Variants in SEMA4F observed in about 807,000 individuals in gnomAD.
SEMA4F encodes the protein ssemaphorin 4F.
SEMA4F carries 51 observed loss-of-function variants against 78.4 expected under a neutral mutation model. The ratio of observed to expected loss-of-function variants is 0.65; its 90% CI spans 0.52 to 0.82. The LOEUF (loss-of-function observed/expected upper bound fraction) is 0.82, where lower values mean the gene tolerates loss of function less well. SEMA4F is among the 40% of genes least tolerant of loss of function. The pLI is 0.00. For synonymous variants in SEMA4F, 418 were observed against 408.7 expected, an observed-to-expected ratio of 1.02 and a Z score of -0.27; for missense variants, 938 against 1,014.4, an observed-to-expected ratio of 0.92 and a Z score of 1.02.
the SEMA4F span, among the ~76,000 whole-genome samples, chr2:74,690,184 T>C: frequency 1.3e-5 from 2 of 152,186 alleles, no homozygotes; most frequent in African/African-American, 4.8e-5. Flanking sequence ...CCCAACTTGC[T>C]TGACTACAGG....
the SEMA4F span, among the ~76,000 whole-genome samples, chr2:74,700,728 C>A: frequency 1.3e-5 from 2 of 152,148 alleles, no homozygotes; most frequent in Non-Finnish European, 2.9e-5. Flanking sequence ...AGCTAGGATT[C>A]AAATCTCAGG....
At chr2:74,702,324 G>C in the SEMA4F span, among the ~76,000 whole-genome samples, 479 of 152,274 alleles carry the variant, frequency 3.1e-3, no homozygotes, top group African/African-American at 0.011. Flanking sequence ...CCTGAAACCT[G>C]TTCTATCTGC....
At chr2:74,708,495 C>G in the SEMA4F span, among the ~76,000 whole-genome samples, 2 of 152,122 alleles carry the variant, frequency 1.3e-5, no homozygotes, top group African/African-American at 4.8e-5. Context: ...ACACTCTACC[C>G]CAGTGGAGTG....
chr2:74,677,627 A>G (rs1409011680), intron 12 of SEMA4F, among the ~76,000 whole-genome samples: 1 of 152,240 alleles, frequency 6.6e-6, no homozygotes, highest in Admixed American at 6.5e-5. Context: ...ATCTTCCAGT[A>G]AAGTATTTTT....
chr2:74,694,021 T>C, the SEMA4F span, among the ~76,000 whole-genome samples: 2 of 152,180 alleles, frequency 1.3e-5, no homozygotes, highest in African/African-American at 4.8e-5. Flanking sequence ...CTTTTAGAGA[T>C]AGATTACTAA....
chr2:74,708,024 G>A, the SEMA4F span, among the ~76,000 whole-genome samples: 1 of 152,084 alleles, frequency 6.6e-6, no homozygotes, highest in Non-Finnish European at 1.5e-5. Context: ...CCACCTGCCA[G>A]ATTGGAAAGT....
chr2:74,708,797 C>T, the SEMA4F span, among the ~76,000 whole-genome samples: 4 of 152,216 alleles, frequency 2.6e-5, no homozygotes, highest in Admixed American at 2.6e-4. Flanking sequence ...AAAAATGCTT[C>T]AATGAGTAGT....
intron 12 of SEMA4F, among the ~76,000 whole-genome samples, chr2:74,676,268 T>G (rs1250307370): frequency 6.6e-6 from 1 of 152,258 alleles, no homozygotes; most frequent in Non-Finnish European, 1.5e-5. Context: ...GACTGCATTC[T>G]TTGGTCTCCT....
chr2:74,677,088 G>T (rs1425702918), intron 12 of SEMA4F, among the ~76,000 whole-genome samples: 2 of 152,090 alleles, frequency 1.3e-5, no homozygotes, highest in Non-Finnish European at 2.9e-5. Context: ...TTTTGGTAGA[G>T]ACGGGGTTTC....
At chr2:74,689,758 G>A in the SEMA4F span, among the ~76,000 whole-genome samples, 2,524 of 152,250 alleles carry the variant, frequency 0.017, 75 homozygotes, top group African/African-American at 0.057. Context: ...CCAGGCCTCA[G>A]TGTTTTCCTA....
At chr2:74,659,371 G>A (rs934554663) in intron 4 of SEMA4F, among the ~76,000 whole-genome samples, 14 of 152,158 alleles carry the variant, frequency 9.2e-5, no homozygotes, top group African/African-American at 3.4e-4. Context: ...TTTCTCTGAG[G>A]TGGGACTCTA....
chr2:74,706,596 G>A, the SEMA4F span, among the ~76,000 whole-genome samples: 1 of 152,240 alleles, frequency 6.6e-6, no homozygotes, highest in African/African-American at 2.4e-5. Context: ...CAAGGAGGAA[G>A]AGTAGGGACA....
At chr2:74,676,698 C>T (rs13387355) in intron 12 of SEMA4F, among the ~76,000 whole-genome samples, 53,033 of 151,998 alleles carry the variant, frequency 0.35, 15,221 homozygotes, top group East Asian at 0.82. Flanking sequence ...ACCACTACCA[C>T]TCTAGTCCAA....
intron 4 of SEMA4F, among the ~76,000 whole-genome samples, chr2:74,661,910 C>G (rs1030419045): frequency 6.6e-6 from 1 of 152,232 alleles, no homozygotes; most frequent in Non-Finnish European, 1.5e-5. Flanking sequence ...CTTTGACTCT[C>G]AACCAGCCAC....
the SEMA4F span, among the ~76,000 whole-genome samples, chr2:74,709,100 G>A: frequency 2.0e-5 from 3 of 152,206 alleles, no homozygotes; most frequent in Non-Finnish European, 4.4e-5. Flanking sequence ...AGATGGCAGA[G>A]GTTGCGGTGA....
At chr2:74,695,395 CCT>C in the SEMA4F span, among the ~76,000 whole-genome samples, 7 of 152,330 alleles carry the variant, frequency 4.6e-5, 1 homozygote, top group Middle Eastern at 0.017. Flanking sequence ...AGAGCACTCC[CCT>C]GTCTGGACTT....
the SEMA4F span, among the ~76,000 whole-genome samples, chr2:74,691,882 C>T: frequency 2.0e-5 from 3 of 152,192 alleles, no homozygotes; most frequent in African/African-American, 7.2e-5. Context: ...CAGCTTTGAT[C>T]TCAGTCTACT....
intron 5 of SEMA4F, among the ~76,000 whole-genome samples, chr2:74,665,662 T>C (rs928480535): frequency 1.3e-5 from 2 of 152,206 alleles, no homozygotes; most frequent in East Asian, 3.8e-4. Context: ...TCATTATCTA[T>C]TGTTGAAATT....
intron 4 of SEMA4F, among the ~76,000 whole-genome samples, chr2:74,659,290 TC>T (rs1319247927): frequency 6.6e-6 from 1 of 152,216 alleles, no homozygotes; most frequent in Non-Finnish European, 1.5e-5. Flanking sequence ...TGGGTATGAA[TC>T]CCAGAGCCAT....
Sources: gnomAD v4.1 joint callset for allele counts (sites outside exome capture counted in the v4.1 genomes callset) on GRCh38, gnomAD v4.1.1 for gene constraint, MANE v1.5 for transcripts, NCBI Gene and HGNC (gene_info 2026-07-23, HGNC 2026-07-21) for gene names.